Variants in KCNAB1 observed in about 807,000 individuals in gnomAD.
KCNAB1 encodes the protein potassium voltage-gated channel subfamily A regulatory beta subunit 1.
In KCNAB1, 35 loss-of-function variants were observed where a neutral mutation model predicts 64.6. The observed-to-expected ratio is 0.54, with a 90% CI of 0.41 to 0.72. KCNAB1 has a LOEUF of 0.72. Ranked by LOEUF, KCNAB1 falls within the 30% of genes least tolerant of loss-of-function variation. The pLI is 0.00. For missense variants in KCNAB1, 401 were observed against 512.9 expected (o/e 0.78, Z 2.11); for synonymous variants, 177 against 183.8 (o/e 0.96, Z 0.30).
At chr3:156,439,224 A>ATTT (rs56259743) in intron 2 of KCNAB1, among the ~76,000 whole-genome samples, 1 of 115,090 alleles carries the variant, frequency 8.7e-6, no homozygotes, top group African/African-American at 3.3e-5. Flanking sequence ...CATCATTGTG[A>ATTT]TTTTTTTTTT....
chr3:156,410,169 T>C (rs1049355435), intron 1 of KCNAB1, among the ~76,000 whole-genome samples: 1 of 152,250 alleles, frequency 6.6e-6, no homozygotes, highest in Non-Finnish European at 1.5e-5. Context: ...TTTTATTTAA[T>C]TTTTGGGTCT....
At chr3:156,118,976 G>A (rs1011831545), upstream of KCNAB1, among the ~76,000 whole-genome samples, 2 of 152,218 alleles carry the variant, frequency 1.3e-5, no homozygotes, top group African/African-American at 2.4e-5. Context: ...AGCATCAGAT[G>A]GGACTGACCC....
intron 1 of KCNAB1, among the ~76,000 whole-genome samples, chr3:156,294,220 C>A (rs1050371107): frequency 3.3e-5 from 5 of 152,228 alleles, no homozygotes; most frequent in Non-Finnish European, 7.3e-5. Context: ...GGGCACCTTT[C>A]ATTACTGACA....
chr3:156,519,081 G>A (rs1200694579), intron 11 of KCNAB1, among the ~76,000 whole-genome samples: 1 of 152,128 alleles, frequency 6.6e-6, no homozygotes, highest in Non-Finnish European at 1.5e-5. Context: ...GATCCATCTT[G>A]TGCACAGCCC....
chr3:156,423,126 A>G (rs1715575768), intron 2 of KCNAB1, among the ~76,000 whole-genome samples: 1 of 152,200 alleles, frequency 6.6e-6, no homozygotes. Flanking sequence ...GACAAGCTGA[A>G]GGCTACTCTT....
intron 1 of KCNAB1, among the ~76,000 whole-genome samples, chr3:156,328,177 G>A (rs1216436985): frequency 3.3e-5 from 5 of 152,134 alleles, no homozygotes; most frequent in East Asian, 1.9e-4. Flanking sequence ...CGTTTGCAGT[G>A]GGATAGCAGA....
chr3:156,171,220 C>CACACACAT (rs1553812736), intron 1 of KCNAB1, among the ~76,000 whole-genome samples: 20 of 151,966 alleles, frequency 1.3e-4, no homozygotes, highest in African/African-American at 4.3e-4. Flanking sequence ...CACACACACA[C>CACACACAT]ACACACTGAA....
At chr3:156,381,061 C>T (rs1712118362) in intron 1 of KCNAB1, among the ~76,000 whole-genome samples, 1 of 152,088 alleles carries the variant, frequency 6.6e-6, no homozygotes, top group Admixed American at 6.6e-5. Flanking sequence ...ACACTGTAAG[C>T]GTATATCAAA....
At position 156,531,467 on chromosome 3, in the gene KCNAB1, A is replaced by C. The variant is rs931177735; in HGVS notation, c.1140A>C (p.Glu380Asp). The change falls in exon 13 of 14, where the codon GAA becomes GAC. Residue 380 changes from glutamate (E) to aspartate (D), a missense_variant. By Grantham distance (45) the Glu-to-Asp change is conservative. Coordinates refer to ENST00000490337, the MANE Select transcript of KCNAB1 (RefSeq NM_172160.3). The part of the protein sequence containing the change: ...SSVLLGSSTP[E>D]QLIENLGAIQ... The stretch of plus-strand genomic sequence containing the variant: ...TGCTCCTGGGATCATCCACTCCTGA[A>C]CAACTCATTGAAAACCTTGGTGCCA... 6.2e-7 allele frequency: 1 copy of C among 1,614,050 alleles called. No homozygotes were observed. The highest frequency in any genetic ancestry group is 1.3e-5 in the African/African-American group (1 of 75,034).
chr3:156,441,997 A>T (rs1717040531), intron 2 of KCNAB1, among the ~76,000 whole-genome samples: 2 of 152,186 alleles, frequency 1.3e-5, no homozygotes, highest in Non-Finnish European at 2.9e-5. Flanking sequence ...AAGTAATAAT[A>T]TTTATTTCAA....
At chr3:156,166,803 G>A (rs1278083688) in intron 1 of KCNAB1, among the ~76,000 whole-genome samples, 1 of 152,180 alleles carries the variant, frequency 6.6e-6, no homozygotes, top group African/African-American at 2.4e-5. Context: ...ATAAGGGATT[G>A]TATTCCATTT....
chr3:156,264,574 C>T (rs1028323831), intron 1 of KCNAB1, among the ~76,000 whole-genome samples: 4 of 152,052 alleles, frequency 2.6e-5, no homozygotes, highest in African/African-American at 9.7e-5. Context: ...ATGATATGCA[C>T]TTTAACTTAT....
chr3:156,236,943 C>T (rs1038025436), intron 1 of KCNAB1, among the ~76,000 whole-genome samples: 2 of 152,094 alleles, frequency 1.3e-5, no homozygotes, highest in African/African-American at 4.8e-5. Context: ...CAAATAGGAT[C>T]TAGTAAAAGG....
intron 1 of KCNAB1, among the ~76,000 whole-genome samples, chr3:156,337,000 G>A (rs1425675784): frequency 6.6e-6 from 1 of 152,184 alleles, no homozygotes; most frequent in Non-Finnish European, 1.5e-5. Context: ...GAATTGGTCG[G>A]CAAGTAAAAA....
chr3:156,493,570 G>A (rs1715795441), intron 8 of KCNAB1, among the ~76,000 whole-genome samples: 2 of 151,922 alleles, frequency 1.3e-5, no homozygotes, highest in South Asian at 2.1e-4. Flanking sequence ...TCAAAACCTG[G>A]AGATTAACAT....
intron 1 of KCNAB1, among the ~76,000 whole-genome samples, chr3:156,213,892 A>T (rs916883553): frequency 2.0e-5 from 3 of 152,198 alleles, no homozygotes; most frequent in Non-Finnish European, 4.4e-5. Flanking sequence ...AGGCTAAGCC[A>T]TGATTAGAAG....
chr3:156,167,485 C>CT (rs1419340687), intron 1 of KCNAB1, among the ~76,000 whole-genome samples: 1 of 152,148 alleles, frequency 6.6e-6, no homozygotes, highest in Non-Finnish European at 1.5e-5. Context: ...CATTGGGTTT[C>CT]TTTTTTAACC....
intron 1 of KCNAB1, among the ~76,000 whole-genome samples, chr3:156,121,764 A>G (rs1022813106): frequency 5.3e-5 from 8 of 152,258 alleles, no homozygotes; most frequent in African/African-American, 1.9e-4. Flanking sequence ...TAGTCAAAGT[A>G]TGGAAAACTC....
intron 1 of KCNAB1, among the ~76,000 whole-genome samples, chr3:156,218,801 A>AAT (rs1553822948): frequency 0.037 from 4,186 of 112,218 alleles, 115 homozygotes; most frequent in South Asian, 0.052. Context: ...AAAAAAAAAA[A>AAT]AATAATAATA....
Sources: gnomAD v4.1 joint callset for allele counts (sites outside exome capture counted in the v4.1 genomes callset) on GRCh38, gnomAD v4.1.1 for gene constraint, MANE v1.5 for transcripts, NCBI Gene and HGNC (gene_info 2026-07-23, HGNC 2026-07-21) for gene names.